The following KANSL1L variants were observed in gnomAD, a reference collection of about 807,000 sequenced individuals.
The protein encoded by KANSL1L is KAT8 regulatory NSL complex subunit 1-like protein.
KANSL1L carries 25 observed loss-of-function variants against 108.6 expected under a neutral mutation model. The observed-to-expected ratio is 0.23, with a 90% CI of 0.17 to 0.32. The LOEUF is 0.32. Ranked by LOEUF, KANSL1L falls within the 10% of genes least tolerant of loss-of-function variation. The pLI is 1.00. For missense variants in KANSL1L, 1,137 were observed against 1,125.7 expected (o/e 1.01, Z -0.14); for synonymous variants, 405 against 395.1 (o/e 1.03, Z -0.30).
At position 210,075,536 on chromosome 2, in the gene KANSL1L, C is replaced by T; in HGVS notation, c.1755+16G>A. 1 of 1,575,622 alleles carries T rather than the reference C, an allele frequency of 6.3e-7. No individual in the cohort carries two copies. The highest frequency in any genetic ancestry group is 8.7e-7 in the Non-Finnish European group (1 of 1,146,716). ...GTGAATCTTTGATCATGTTTTCTTC[C>T]CAAAGGCAGCCTTACCTGTGGAGTC... On this transcript the variant is annotated intron_variant, in intron 6 of 14. Transcript: ENST00000281772.
intron 3 of KANSL1L, among the ~76,000 whole-genome samples, chr2:210,127,508 T>C (rs1280457250): frequency 6.6e-6 from 1 of 151,930 alleles, no homozygotes; most frequent in African/African-American, 2.4e-5. Context: ...AAAAATGCAA[T>C]GAACAAGGCT....
upstream of KANSL1L, chr2:210,171,713 A>T (rs1280617197): frequency 6.6e-6 from 1 of 150,402 alleles, no homozygotes; most frequent in Admixed American, 6.6e-5. Flanking sequence ...CTATTTTTGT[A>T]CCTCCGTGAC....
chr2:210,130,688 T>C (rs977283428), intron 2 of KANSL1L, among the ~76,000 whole-genome samples: 8 of 152,210 alleles, frequency 5.3e-5, no homozygotes, highest in Non-Finnish European at 2.9e-5. Flanking sequence ...AAAATACCTA[T>C]TCAAAATATA....
chr2:210,117,745 C>T (rs534962990), intron 3 of KANSL1L, among the ~76,000 whole-genome samples: 243 of 152,046 alleles, frequency 1.6e-3, no homozygotes, highest in African/African-American at 5.5e-3. Flanking sequence ...ACAATGGATA[C>T]AACAGAAATA....
Position 210,128,802 on chromosome 2 carries a change from GAATCC to G in KANSL1L, c.1230+224_1230+228del, listed in dbSNP as rs1435599763. Among the ~76,000 whole-genome samples the G allele has an allele frequency of 3.3e-5, 5 of 152,126 alleles. No individual in the cohort carries two copies. The East Asian group carries it at 9.6e-4, about 29-fold the overall frequency. ...ACACGTTTATCACTTATATTAACTG[GAATCC>G]AATAAGGAAGTTCTGAATTGCTCAA... On this transcript the variant is annotated intron_variant, in intron 3 of 14. Transcript: ENST00000281772.
At chr2:210,070,405 A>AT (rs2094499135) in intron 6 of KANSL1L, among the ~76,000 whole-genome samples, 1 of 148,840 alleles carries the variant, frequency 6.7e-6, no homozygotes, top group African/African-American at 2.5e-5. Context: ...AATTTTTTGT[A>AT]TTTTTTAGTA....
intron 3 of KANSL1L, among the ~76,000 whole-genome samples, chr2:210,122,347 C>T (rs1052693275): frequency 1.3e-5 from 2 of 152,032 alleles, no homozygotes; most frequent in Non-Finnish European, 2.9e-5. Context: ...CACAGACCAA[C>T]AAAACAGTAC....
At chr2:210,082,004 G>A (rs2094594076) in intron 5 of KANSL1L, among the ~76,000 whole-genome samples, 1 of 152,150 alleles carries the variant, frequency 6.6e-6, no homozygotes, top group Admixed American at 6.6e-5. Context: ...TATGAACACA[G>A]CTCACAGCAG....
At chr2:210,114,025 T>C (rs980361305) in intron 3 of KANSL1L, among the ~76,000 whole-genome samples, 1 of 151,934 alleles carries the variant, frequency 6.6e-6, no homozygotes, top group Admixed American at 6.6e-5. Context: ...TTTGAAGAAA[T>C]AATGGCTAAA....
intron 6 of KANSL1L, among the ~76,000 whole-genome samples, chr2:210,069,406 A>G (rs938845913): frequency 6.6e-6 from 1 of 152,170 alleles, no homozygotes; most frequent in Non-Finnish European, 1.5e-5. Context: ...GCTTTTCCCT[A>G]TCATGGACCT....
At position 210,085,986 on chromosome 2, in the gene KANSL1L, C is replaced by T. The variant is rs143050481; in HGVS notation, c.1551-10230G>A. Among the ~76,000 whole-genome samples, 22 of 151,254 alleles carry T rather than the reference C, an allele frequency of 1.5e-4. 1 individual carries two copies. The East Asian group carries it at 3.7e-3, about 25-fold the overall frequency. Reference sequence around the variant, plus strand: ...TCCAAAATTATACTGAAAACATCAACTTAGAATATGCTTCTAACAAACAAT... The same window carrying T: ...TCCAAAATTATACTGAAAACATCAATTTAGAATATGCTTCTAACAAACAAT... On this transcript the variant is annotated intron_variant, in intron 5 of 14. Coordinates refer to ENST00000281772, the MANE Select transcript of KANSL1L (RefSeq NM_152519.4).
intron 8 of KANSL1L, among the ~76,000 whole-genome samples, chr2:210,039,306 TC>T (rs2094140250): frequency 6.6e-6 from 1 of 152,000 alleles, no homozygotes; most frequent in Non-Finnish European, 1.5e-5. Context: ...AGGAATGTCC[TC>T]ATGTTTCTCA....
At chr2:210,118,376 G>A (rs2094977692) in intron 3 of KANSL1L, among the ~76,000 whole-genome samples, 2 of 148,164 alleles carry the variant, frequency 1.3e-5, no homozygotes, top group Non-Finnish European at 1.5e-5. Context: ...GCTGAGGCAG[G>A]ATAGTTGCTT....
At chr2:210,060,305 T>C (rs957929273) in intron 6 of KANSL1L, among the ~76,000 whole-genome samples, 1 of 152,184 alleles carries the variant, frequency 6.6e-6, no homozygotes, top group African/African-American at 2.4e-5. Context: ...AACACTACTT[T>C]TGCAAATCTG....
intron 5 of KANSL1L, among the ~76,000 whole-genome samples, chr2:210,083,071 C>T (rs2094602817): frequency 6.6e-6 from 1 of 152,072 alleles, no homozygotes; most frequent in African/African-American, 2.4e-5. Context: ...AGAAGAGACA[C>T]ACAAAGAATG....
intron 2 of KANSL1L, among the ~76,000 whole-genome samples, chr2:210,135,620 G>A: frequency 6.6e-6 from 1 of 152,134 alleles, no homozygotes; most frequent in East Asian, 1.9e-4. Context: ...TGAAGTACCA[G>A]TGACTCTCAA....
At chr2:210,069,664 C>A (rs1271575737) in intron 6 of KANSL1L, among the ~76,000 whole-genome samples, 1 of 151,864 alleles carries the variant, frequency 6.6e-6, no homozygotes, top group African/African-American at 2.4e-5. Flanking sequence ...AGGGGAGAAT[C>A]CTTCCTTGAC....
chr2:210,166,676 A>G (rs1687991961), intron 1 of KANSL1L, among the ~76,000 whole-genome samples: 1 of 152,112 alleles, frequency 6.6e-6, no homozygotes, highest in African/African-American at 2.4e-5. Flanking sequence ...GGATAATCCC[A>G]GCTCTCTTAA....
intron 3 of KANSL1L, among the ~76,000 whole-genome samples, chr2:210,108,379 T>C (rs2094871081): frequency 6.6e-6 from 1 of 152,206 alleles, no homozygotes; most frequent in African/African-American, 2.4e-5. Flanking sequence ...CGTCTTTCCT[T>C]AAAACAATTT....
Sources: gnomAD v4.1 joint callset for allele counts (sites outside exome capture counted in the v4.1 genomes callset) on GRCh38, gnomAD v4.1.1 for gene constraint, MANE v1.5 for transcripts, NCBI Gene and HGNC (gene_info 2026-07-23, HGNC 2026-07-21) for gene names.